Variants in RBFOX1 observed in about 807,000 individuals in gnomAD.
The protein encoded by RBFOX1 is RNA binding fox-1 homolog 1, also known as RNA binding protein fox-1 homolog 1.
In RBFOX1, 8 loss-of-function variants were observed where a neutral mutation model predicts 57.7. The ratio of observed to expected loss-of-function variants is 0.14; its 90% CI spans 0.08 to 0.25. RBFOX1 has a LOEUF of 0.25. Among genes scored for constraint, RBFOX1 ranks in the 10% least tolerant of loss-of-function variants. RBFOX1 has a pLI of 1.00. For synonymous variants in RBFOX1, 326 were observed against 222.4 expected, an observed-to-expected ratio of 1.47 and a Z score of -4.15; for missense variants, 611 against 548.5, an observed-to-expected ratio of 1.11 and a Z score of -1.14.
At chr16:5,661,221 A>G (rs1401872091) in intron 3 of RBFOX1, among the ~76,000 whole-genome samples, 1 of 151,868 alleles carries the variant, frequency 6.6e-6, no homozygotes, top group East Asian at 1.9e-4. Flanking sequence ...CAAACATTCC[A>G]CAGAACATGG....
intron 1 of RBFOX1, among the ~76,000 whole-genome samples, chr16:6,091,725 G>A (rs1270897745): frequency 6.6e-6 from 1 of 152,168 alleles, no homozygotes; most frequent in Admixed American, 6.5e-5. Flanking sequence ...AGCTACCTGG[G>A]AGACCGAGGC....
intron 3 of RBFOX1, among the ~76,000 whole-genome samples, chr16:5,866,541 G>C (rs1297600745): frequency 6.6e-6 from 1 of 152,200 alleles, no homozygotes; most frequent in Admixed American, 6.5e-5. Context: ...CTGATCTCTA[G>C]ATAGGAGACC....
chr16:5,352,231 G>C (rs1399375879), intron 1 of RBFOX1, among the ~76,000 whole-genome samples: 1 of 152,134 alleles, frequency 6.6e-6, no homozygotes, highest in Non-Finnish European at 1.5e-5. Context: ...TCCTGCGCTT[G>C]TCCACCCTGG....
At chr16:6,764,515 C>G (rs2077057902) in intron 3 of RBFOX1, among the ~76,000 whole-genome samples, 1 of 152,164 alleles carries the variant, frequency 6.6e-6, no homozygotes, top group African/African-American at 2.4e-5. Context: ...TATTGAATGT[C>G]CACTCAATGT....
intron 1 of RBFOX1, among the ~76,000 whole-genome samples, chr16:5,285,183 A>G (rs1176989988): frequency 2.6e-5 from 4 of 152,138 alleles, no homozygotes. Flanking sequence ...GGATTATTTT[A>G]AAAGACTAGT....
chr16:7,255,780 C>G (rs560283978), intron 4 of RBFOX1, among the ~76,000 whole-genome samples: 75 of 152,196 alleles, frequency 4.9e-4, no homozygotes, highest in African/African-American at 1.8e-3. Context: ...GAAATATTAA[C>G]AATATATTTT....
chr16:6,945,044 T>C (rs947816035), intron 3 of RBFOX1, among the ~76,000 whole-genome samples: 1 of 152,054 alleles, frequency 6.6e-6, no homozygotes, highest in Admixed American at 6.6e-5. Flanking sequence ...CTGAATCCCG[T>C]GTTCTAATGC....
intron 2 of RBFOX1, among the ~76,000 whole-genome samples, chr16:6,429,750 G>A (rs549885229): frequency 6.6e-6 from 1 of 152,156 alleles, no homozygotes; most frequent in African/African-American, 2.4e-5. Context: ...CTTGCCTGCT[G>A]CCATGTAAGA....
chr16:5,357,362 C>G (rs573272381), intron 1 of RBFOX1, among the ~76,000 whole-genome samples: 58 of 152,324 alleles, frequency 3.8e-4, no homozygotes, highest in African/African-American at 1.4e-3. Flanking sequence ...AAAGAACCAC[C>G]TCTTGCTCTG....
At position 7,630,639 on chromosome 16, in the gene RBFOX1, C is replaced by A. The variant is rs1262446443; in HGVS notation, c.713C>A (p.Ser238Tyr). The change falls in exon 11 of 16, where the codon TCT becomes TAT. Residue 238 changes from serine (S) to tyrosine (Y), a missense_variant. Around this residue, in one of 3 missense-constraint regions of RBFOX1, gnomAD observed 267 missense variants for 229.1 expected, o/e 1.17. Transcript: ENST00000550418. Reference protein sequence around the residue: ...VLLCQANQEGSSMYSAPSSLV... With the variant: ...VLLCQANQEGYSMYSAPSSLV... ...TTGTGCCAGGCCAACCAGGAGGGAT[C>A]TTCCATGTACAGTGCCCCCAGTTCA... 2 of 1,614,194 alleles carry A rather than the reference C, an allele frequency of 1.2e-6. No homozygotes were observed. Among genetic ancestry groups the A allele is most frequent in the Admixed American group, 1.7e-5 (1 of 60,026 alleles).
chr16:5,793,109 C>T (rs8045174), intron 3 of RBFOX1, among the ~76,000 whole-genome samples: 34,176 of 152,104 alleles, frequency 0.22, 4,122 homozygotes, highest in East Asian at 0.42. Flanking sequence ...GTCCAGGTGT[C>T]GGTAGGGAAC....
At chr16:6,105,683 AAAAT>A (rs2096369858) in intron 1 of RBFOX1, among the ~76,000 whole-genome samples, 1 of 150,108 alleles carries the variant, frequency 6.7e-6, no homozygotes, top group African/African-American at 2.5e-5. Flanking sequence ...AAGTAGAAAA[AAAAT>A]ATATATATAT....
chr16:6,072,611 A>G (rs1221821582), intron 1 of RBFOX1, among the ~76,000 whole-genome samples: 3 of 150,450 alleles, frequency 2.0e-5, no homozygotes, highest in Non-Finnish European at 4.4e-5. Context: ...TTCCAGGCCA[A>G]CAATTGTTTT....
At chr16:7,236,709 C>G (rs574886566) in intron 4 of RBFOX1, among the ~76,000 whole-genome samples, 22 of 151,438 alleles carry the variant, frequency 1.5e-4, no homozygotes, top group South Asian at 2.1e-4. Flanking sequence ...TTTTTAATTT[C>G]TAAGCCACTG....
chr16:6,722,668 A>G (rs545716834), intron 3 of RBFOX1, among the ~76,000 whole-genome samples: 5 of 152,226 alleles, frequency 3.3e-5, no homozygotes, highest in Non-Finnish European at 2.9e-5. Flanking sequence ...AAATATGGCT[A>G]AAATTCTGTG....
At chr16:5,789,512 G>C (rs1247464976) in intron 3 of RBFOX1, among the ~76,000 whole-genome samples, 4 of 152,054 alleles carry the variant, frequency 2.6e-5, no homozygotes, top group Non-Finnish European at 5.9e-5. Flanking sequence ...TGTTACTATA[G>C]GGCATTTAAC....
At chr16:5,974,087 A>C (rs2060014225) in intron 4 of RBFOX1, among the ~76,000 whole-genome samples, 1 of 152,208 alleles carries the variant, frequency 6.6e-6, no homozygotes, top group Non-Finnish European at 1.5e-5. Context: ...TGCAATAATG[A>C]ATGTAGAGTG....
At chr16:5,767,945 A>G (rs533117891) in intron 3 of RBFOX1, among the ~76,000 whole-genome samples, 2 of 145,372 alleles carry the variant, frequency 1.4e-5, no homozygotes, top group East Asian at 3.9e-4. Flanking sequence ...CTCTCTGCAG[A>G]CAAAAAAAAT....
chr16:6,684,642 T>A (rs534768412), intron 3 of RBFOX1, among the ~76,000 whole-genome samples: 1 of 152,196 alleles, frequency 6.6e-6, no homozygotes, highest in Admixed American at 6.5e-5. Context: ...GAATGGGAGG[T>A]GGCTTCTTTA....
Sources: gnomAD v4.1 joint callset for allele counts (sites outside exome capture counted in the v4.1 genomes callset) on GRCh38, gnomAD v4.1.1 for gene constraint, gnomAD v4.1.1 regional missense constraint, MANE v1.5 for transcripts, NCBI Gene and HGNC (gene_info 2026-07-23, HGNC 2026-07-21) for gene names.